Variants in TTC7B observed in about 807,000 individuals in gnomAD.
TTC7B encodes tetratricopeptide repeat protein 7B.
In TTC7B, 28 loss-of-function variants were observed where a neutral mutation model predicts 106.8. The ratio of observed to expected loss-of-function variants is 0.26; its 90% CI spans 0.19 to 0.36. The LOEUF (loss-of-function observed/expected upper bound fraction) is 0.36, where lower values mean the gene tolerates loss of function less well. TTC7B is among the 10% of genes least tolerant of loss of function. TTC7B has a pLI of 1.00. For synonymous variants in TTC7B, 405 were observed against 430.6 expected (o/e 0.94, Z 0.74); for missense variants, 862 against 1,076.4 (o/e 0.80, Z 2.79).
At chr14:90,655,782 A>G (rs1318842207) in intron 11 of TTC7B, among the ~76,000 whole-genome samples, 1 of 152,056 alleles carries the variant, frequency 6.6e-6, no homozygotes, top group Non-Finnish European at 1.5e-5. Flanking sequence ...GAGTTCATAT[A>G]CTCTTGAGTT....
chr14:90,544,570 C>A (rs1178785029), intron 19 of TTC7B, among the ~76,000 whole-genome samples: 1 of 152,190 alleles, frequency 6.6e-6, no homozygotes, highest in Non-Finnish European at 1.5e-5. Context: ...CCTCAAAGGC[C>A]AGCAGAACAA....
intron 2 of TTC7B, among the ~76,000 whole-genome samples, chr14:90,783,802 T>C (rs1208083306): frequency 6.6e-6 from 1 of 152,042 alleles, no homozygotes; most frequent in Non-Finnish European, 1.5e-5. Context: ...CCAGGTGTGG[T>C]GGCATGCGGC....
At chr14:90,713,774 C>T (rs868109736) in intron 5 of TTC7B, among the ~76,000 whole-genome samples, 7 of 152,156 alleles carry the variant, frequency 4.6e-5, no homozygotes, top group Non-Finnish European at 1.0e-4. Context: ...AGTCAAAAAG[C>T]AAGAACAATC....
In TTC7B at chr14:90,799,680, T is replaced by C. The variant is rs561420882; in HGVS notation, c.122-13352A>G. Among the ~76,000 whole-genome samples, 4 of 152,168 alleles carry C rather than the reference T, an allele frequency of 2.6e-5. No individual in the cohort carries two copies. The East Asian group carries it at 7.7e-4, about 29-fold the overall frequency. On this transcript the variant is annotated intron_variant, in intron 1 of 19. Transcript: ENST00000328459. ...TCCAGGAACAGCAGGAAAGCCCGTG[T>C]GGCTGGGTGGAGGGAAGGGCGTTGG...
chr14:90,636,039 T>G (rs992894212), intron 15 of TTC7B, among the ~76,000 whole-genome samples: 12 of 151,342 alleles, frequency 7.9e-5, no homozygotes, highest in Admixed American at 5.9e-4. Flanking sequence ...GAGACTCACT[T>G]GAACCCAGGA....
At chr14:90,697,236 G>A (rs1043039417) in intron 5 of TTC7B, 2 of 152,236 alleles carry the variant, frequency 1.3e-5, no homozygotes, top group African/African-American at 4.8e-5. Context: ...CCTACAAATA[G>A]GAACTGGTCA....
Position 90,808,635 on chromosome 14 carries a change from T to C in TTC7B, c.121+7540A>G, listed in dbSNP as rs1488665535. 6.6e-6 allele frequency among the ~76,000 whole-genome samples: 1 copy of C among 152,120 alleles called. No individual in the cohort carries two copies. Among genetic ancestry groups the C allele is most frequent in the Non-Finnish European group, 1.5e-5 (1 of 68,024 alleles). On this transcript the variant is annotated intron_variant, in intron 1 of 19. Coordinates refer to ENST00000328459, the MANE Select transcript of TTC7B (RefSeq NM_001010854.2). The surrounding 1 kb of genome is among the most constrained non-coding windows in gnomAD (Gnocchi z 4.2). ...CTTTCATATTTTATATGGCACCCAT[T>C]TGACCTATCTCTGGGTCAGACATCC...
rs1382372126 is a variant in TTC7B at position 90,575,674 on chromosome 14, T to C, written c.2310+2432A>G. 1.5e-4 allele frequency among the ~76,000 whole-genome samples: 23 copies of C among 152,126 alleles called. No homozygotes were observed. The highest frequency in any genetic ancestry group is 1.5e-3 in the Admixed American group (23 of 15,286). ...CAGGCTGGGGAGAACACAGGCCAGG[T>C]GCATCATTTAGAAAATCACCAAGAA... On this transcript the variant is annotated intron_variant, in intron 19 of 19. Transcript: ENST00000328459. This position sits in a 1 kb window ranked among gnomAD's most constrained non-coding sequence, Gnocchi z 5.2.
Position 90,657,946 on chromosome 14 carries a change from AAC to A in TTC7B, c.1236+356_1236+357del, listed in dbSNP as rs1886018362. On this transcript the variant is annotated intron_variant, in intron 10 of 19. Transcript: ENST00000328459. The surrounding 1 kb of genome is among the most constrained non-coding windows in gnomAD (Gnocchi z 4.2). The stretch of plus-strand genomic sequence containing the variant: ...TCCAGTATCATGCACTGCCTAATAT[AAC>A]ACATTGCTCAAGATAACCAACAGGT... The A allele has an allele frequency of 1.0e-5, 3 of 294,510 alleles. No homozygotes were observed. The highest frequency in any genetic ancestry group is 1.0e-4 in the South Asian group (3 of 29,658). The allele number at this position is 294,510 out of a possible 1,614,324, so 18.2% of individuals were successfully genotyped here. A position where few individuals can be genotyped will look rare whatever the true frequency, so the allele number is the denominator to read the frequency against.
At chr14:90,785,644 AGGGG>A (rs1265928410) in intron 2 of TTC7B, among the ~76,000 whole-genome samples, 1 of 152,142 alleles carries the variant, frequency 6.6e-6, no homozygotes, top group Non-Finnish European at 1.5e-5. Flanking sequence ...ATGGACAGAT[AGGGG>A]GCAGCACCTA....
chr14:90,570,656 G>A lies in TTC7B; in HGVS notation c.2310+7450C>T, dbSNP rs1890995983. On this transcript the variant is annotated intron_variant, in intron 19 of 19. Coordinates refer to ENST00000328459, the MANE Select transcript of TTC7B (RefSeq NM_001010854.2). This position sits in a 1 kb window ranked among gnomAD's most constrained non-coding sequence, Gnocchi z 4.0. ...AGTCAGTCACGCTGGTGCAGAAAGGGAAGCTCCATGGGGCCAGGAGATGAC... is the reference window on the plus strand; with the variant it reads ...AGTCAGTCACGCTGGTGCAGAAAGGAAAGCTCCATGGGGCCAGGAGATGAC... 6.6e-6 allele frequency among the ~76,000 whole-genome samples: 1 copy of A among 152,018 alleles called. No individual in the cohort carries two copies. The highest frequency in any genetic ancestry group is 2.4e-5 in the African/African-American group (1 of 41,396).
intron 5 of TTC7B, among the ~76,000 whole-genome samples, chr14:90,710,906 C>T (rs1627228): frequency 0.33 from 50,554 of 151,956 alleles, 8,715 homozygotes; most frequent in Middle Eastern, 0.39. Flanking sequence ...GGTCTGAAAC[C>T]AAACCTACAA....
chr14:90,698,122 G>A (rs3814841), intron 5 of TTC7B: 91,878 of 152,080 alleles, frequency 0.6, 28,321 homozygotes, highest in East Asian at 0.67. Flanking sequence ...GTAAAAGCAT[G>A]ATTCCCAGGA....
chr14:90,693,056 T>C (rs1329021466), intron 6 of TTC7B, among the ~76,000 whole-genome samples: 1 of 152,190 alleles, frequency 6.6e-6, no homozygotes, highest in Non-Finnish European at 1.5e-5. Context: ...AGTCATTTCC[T>C]ATGACATGAA....
At chr14:90,609,714 C>T (rs148696046) in intron 17 of TTC7B, among the ~76,000 whole-genome samples, 158 of 152,300 alleles carry the variant, frequency 1.0e-3, no homozygotes, top group Non-Finnish European at 9.4e-4. Flanking sequence ...GGAGAAGGAA[C>T]AGGAGCAGGT....
chr14:90,695,644 C>T lies in TTC7B; in HGVS notation c.699-66G>A, dbSNP rs189390861. 1.5e-3 allele frequency: 1,545 copies of T among 1,008,526 alleles called. 16 individuals carry two copies. The Middle Eastern group carries it at 0.026, about 17-fold the overall frequency. The allele number at this position is 1,008,526 out of a possible 1,614,324, so 62.5% of individuals were successfully genotyped here. On this transcript the variant is annotated intron_variant, in intron 5 of 19. Coordinates refer to ENST00000328459, the MANE Select transcript of TTC7B (RefSeq NM_001010854.2). ...ATTAATATTAAATATTTTATATGCA[C>T]GTTTCAATGCATTTTGTCTGCATAA...
At chr14:90,706,161 A>ATTTT (rs59137630) in intron 5 of TTC7B, among the ~76,000 whole-genome samples, 1 of 128,444 alleles carries the variant, frequency 7.8e-6, no homozygotes, top group Non-Finnish European at 1.6e-5. Context: ...AGCTGGAATA[A>ATTTT]TTTTTTTTTT....
chr14:90,725,883 T>C (rs1047862507), intron 5 of TTC7B, among the ~76,000 whole-genome samples: 2 of 152,264 alleles, frequency 1.3e-5, no homozygotes, highest in African/African-American at 4.8e-5. Context: ...TTACTTTAAA[T>C]GTGCTTTGCT....
chr14:90,774,827 G>T (rs1430077705), intron 3 of TTC7B, among the ~76,000 whole-genome samples: 1 of 152,164 alleles, frequency 6.6e-6, no homozygotes, highest in Non-Finnish European at 1.5e-5. Flanking sequence ...ATCATCTGAG[G>T]TCAAGAGTTT....
Sources: allele counts gnomAD v4.1 joint callset (sites outside exome capture counted in the v4.1 genomes callset), GRCh38; gene constraint gnomAD v4.1.1; non-coding constraint Gnocchi (gnomAD v3.1); transcripts MANE v1.5; gene names NCBI Gene and HGNC (gene_info 2026-07-23, HGNC 2026-07-21).